The following DNAH11 variants were observed in gnomAD, a reference collection of about 807,000 sequenced individuals.
DNAH11 encodes dynein axonemal heavy chain 11, also known as axonemal beta dynein heavy chain 11.
In DNAH11, 442 loss-of-function variants were observed where a neutral mutation model predicts 526.0. The ratio of observed to expected loss-of-function variants is 0.84; its 90% CI spans 0.78 to 0.91. The LOEUF (loss-of-function observed/expected upper bound fraction) is 0.91. DNAH11 is among the 40% of genes least tolerant of loss of function. The pLI is 0.00. For synonymous variants in DNAH11, 2,461 were observed against 1,935.9 expected (o/e 1.27, Z -7.12); for missense variants, 6,989 against 5,448.7 (o/e 1.28, Z -8.90).
At chr7:21,653,313 C>T (rs146467441) in intron 28 of DNAH11, among the ~76,000 whole-genome samples, 16 of 152,162 alleles carry the variant, frequency 1.1e-4, no homozygotes, top group South Asian at 6.2e-4. Flanking sequence ...AGGGGCCACA[C>T]GAGTTAAAAA....
chr7:21,701,380 T>G (rs1453248929), intron 36 of DNAH11, among the ~76,000 whole-genome samples: 1 of 151,768 alleles, frequency 6.6e-6, no homozygotes, highest in African/African-American at 2.4e-5. Flanking sequence ...GCCTCGACCT[T>G]CCTGGCTCAA....
chr7:21,606,531 A>G lies in DNAH11; in HGVS notation c.3754A>G (p.Ile1252Val), dbSNP rs752456028. The change falls in exon 19 of 82, where the codon ATT becomes GTT. Residue 1252 changes from isoleucine to valine, a missense_variant. By Grantham distance (29) the Ile-to-Val change is conservative. Coordinates refer to ENST00000409508, the MANE Select transcript of DNAH11 (RefSeq NM_001277115.2). ...AGTCACTCTTATAAGGAAAAAATGT[A>G]TTTTGTTTGACGTAAGCTAGTTACC... Reference protein sequence around the residue: ...AEVTLIRKKCILFDAKQAEFR... With the variant: ...AEVTLIRKKCVLFDAKQAEFR... 2.5e-6 allele frequency: 4 copies of G among 1,605,878 alleles called. No individual in the cohort carries two copies. The highest frequency in any genetic ancestry group is 1.7e-4 in the Middle Eastern group (1 of 6,052).
At position 21,617,708 on chromosome 7, in the gene DNAH11, G is replaced by A. The variant is rs113853066; in HGVS notation, c.4185G>A (p.Arg1395=). Residue 1395 remains arginine (R), a synonymous_variant, in exon 23 of 82, where the codon AGG becomes AGA. Coordinates refer to ENST00000409508, the MANE Select transcript of DNAH11 (RefSeq NM_001277115.2). ...GTVKDMTASL[R]AITELQSPAL... is the part of the protein sequence containing the mutation. ...TTAAGGACATGACAGCCTCCCTGAG[G>A]GCCATCACAGAGTTACAGAGCCCTG... The A allele has an allele frequency of 7.4e-5, 120 of 1,613,676 alleles. No individual in the cohort carries two copies. In the African/African-American group the frequency reaches 1.3e-3, roughly 18 times the overall value.
chr7:21,803,163 A>T (rs987478508), intron 62 of DNAH11, among the ~76,000 whole-genome samples: 1 of 152,224 alleles, frequency 6.6e-6, no homozygotes, highest in African/African-American at 2.4e-5. Flanking sequence ...TTAGCTGACA[A>T]GCATAGAACT....
intron 70 of DNAH11, 140 bp downstream of exon 70, chr7:21,864,797 A>T (rs1783209911): frequency 2.5e-6 from 2 of 803,574 alleles, no homozygotes; most frequent in Non-Finnish European, 3.5e-6. Context: ...GTATAATGTG[A>T]TGTTATTAAT....
At chr7:21,837,341 G>T (rs531607263) in intron 65 of DNAH11, among the ~76,000 whole-genome samples, 3 of 152,106 alleles carry the variant, frequency 2.0e-5, no homozygotes, top group Non-Finnish European at 4.4e-5. Flanking sequence ...CCTATCAACA[G>T]TTGAATGCGT....
intron 25 of DNAH11, among the ~76,000 whole-genome samples, chr7:21,625,267 G>C (rs1211843320): frequency 3.9e-5 from 6 of 151,920 alleles, no homozygotes. Flanking sequence ...TAGGTTGTAT[G>C]TTTCTAGGAA....
chr7:21,550,394 G>C (rs898639633), intron 2 of DNAH11, among the ~76,000 whole-genome samples: 1 of 152,172 alleles, frequency 6.6e-6, no homozygotes, highest in Non-Finnish European at 1.5e-5. Flanking sequence ...TATATGGCCA[G>C]TATATAATGT....
intron 61 of DNAH11, among the ~76,000 whole-genome samples, chr7:21,791,276 C>T (rs1198514388): frequency 6.6e-6 from 1 of 152,186 alleles, no homozygotes; most frequent in Non-Finnish European, 1.5e-5. Flanking sequence ...TGGGGCTACC[C>T]AGCTTCCAGT....
chr7:21,867,244 C>G (rs1024963428), intron 71 of DNAH11, among the ~76,000 whole-genome samples: 4 of 152,210 alleles, frequency 2.6e-5, no homozygotes, highest in African/African-American at 7.2e-5. Flanking sequence ...CCAAAGAGTT[C>G]TCAACTTCCT....
intron 6 of DNAH11, among the ~76,000 whole-genome samples, chr7:21,567,211 TA>T (rs1265622443): frequency 6.6e-6 from 1 of 152,220 alleles, no homozygotes; most frequent in Non-Finnish European, 1.5e-5. Flanking sequence ...TGGGGTCATT[TA>T]TTGGGTATCT....
chr7:21,589,421 T>A lies in DNAH11; in HGVS notation c.2169+18T>A, dbSNP rs539702785. On this transcript the variant is annotated intron_variant, in intron 12 of 81. Transcript: ENST00000409508. Reference sequence around the variant, plus strand: ...ACCCAAAGGTAGGGATTTGATTTTTTAAGATGATTTATAAGTGCCCTTTTT... The same window carrying A: ...ACCCAAAGGTAGGGATTTGATTTTTAAAGATGATTTATAAGTGCCCTTTTT... The A allele has an allele frequency of 2.5e-6, 4 of 1,579,600 alleles. No individual in the cohort carries two copies. In the Admixed American group the frequency reaches 7.4e-5, roughly 29 times the overall value.
chr7:21,692,969 C>A lies in DNAH11; in HGVS notation c.6041+2088C>A, dbSNP rs538383852. Among the ~76,000 whole-genome samples, 4 of 152,274 alleles carry A rather than the reference C, an allele frequency of 2.6e-5. No homozygotes were observed. In the South Asian group the frequency reaches 6.2e-4, roughly 24 times the overall value. On this transcript the variant is annotated intron_variant, in intron 35 of 81. Transcript: ENST00000409508. ...TACTTATTGTCTATTGCTATACCAT[C>A]TTTTGTGAAAAGCCGTATTCTGCAT...
At position 21,707,831 on chromosome 7, in the gene DNAH11, G is replaced by A; in HGVS notation, c.6679G>A (p.Gly2227Ser). Residue 2227 changes from glycine (G) to serine (S), a missense_variant, in exon 40 of 82, where the codon GGC becomes AGC. Physicochemically the swap from Gly to Ser is moderately conservative, Grantham distance 56. Transcript: ENST00000409508. ...IHHATREWKD[G>S]KIVYSYFIGL... ...TCATGCTACCCGAGAATGGAAAGAT[G>A]GCAAGTAGTATTTCCCCTTTAGAAG... The A allele has an allele frequency of 2.3e-5, 36 of 1,594,034 alleles. No individual in the cohort carries two copies. The highest frequency in any genetic ancestry group is 3.1e-5 in the Non-Finnish European group (36 of 1,171,408).
chr7:21,589,227 C>A lies in DNAH11; in HGVS notation c.1993C>A (p.His665Asn), dbSNP rs1314862538. ...LRYLFLGNPD[H>N]ALVYQKYVEM... is the part of the protein sequence containing the mutation. ...CTACAGATTTTTGGGCAATCCTGAT[C>A]ACGCTTTAGTTTATCAAAAGTATGT... Residue 665 changes from histidine (H) to asparagine (N), a missense_variant, in exon 12 of 82, where the codon CAC becomes AAC. Coordinates refer to ENST00000409508, the MANE Select transcript of DNAH11 (RefSeq NM_001277115.2). 1 of 1,603,282 alleles carries A rather than the reference C, an allele frequency of 6.2e-7. No homozygotes were observed. The highest frequency in any genetic ancestry group is 8.5e-7 in the Non-Finnish European group (1 of 1,177,090).
At chr7:21,651,279 A>C (rs2128463864) in intron 28 of DNAH11, among the ~76,000 whole-genome samples, 1 of 152,306 alleles carries the variant, frequency 6.6e-6, no homozygotes, top group African/African-American at 2.4e-5. Context: ...ATACGAACTT[A>C]GATATAGGCA....
chr7:21,735,295 C>T (rs900268333), intron 45 of DNAH11, among the ~76,000 whole-genome samples: 5 of 152,118 alleles, frequency 3.3e-5, no homozygotes, highest in African/African-American at 1.2e-4. Flanking sequence ...TACTATATTC[C>T]CTTCTGTGCT....
rs977346993 is a variant in DNAH11 at position 21,800,379 on chromosome 7, C to T, written c.10027-758C>T. Among the ~76,000 whole-genome samples the T allele has an allele frequency of 2.0e-5, 3 of 152,178 alleles. No homozygotes were observed. In the East Asian group the frequency reaches 5.8e-4, roughly 29 times the overall value. ...AGGCACAGTGGCTCATGCCTGTAAT[C>T]CCAGCACTTGGGGAGGCCAAGGTGG... On this transcript the variant is annotated intron_variant, in intron 61 of 81. Coordinates refer to ENST00000409508, the MANE Select transcript of DNAH11 (RefSeq NM_001277115.2).
chr7:21,720,661 A>T (rs1256495442), intron 43 of DNAH11, 64 bp from the exon 44 acceptor site: 1 of 1,482,242 alleles, frequency 6.7e-7, no homozygotes, highest in Non-Finnish European at 9.0e-7. Context: ...AGTTGTAAAA[A>T]TATTCTTTGA....
Sources: gnomAD v4.1 joint callset for allele counts (sites outside exome capture counted in the v4.1 genomes callset) on GRCh38, gnomAD v4.1.1 for gene constraint, MANE v1.5 for transcripts, NCBI Gene and HGNC (gene_info 2026-07-23, HGNC 2026-07-21) for gene names.